RGPD8: variants seen among roughly 807,000 people sequenced by gnomAD.
RGPD8 encodes RANBP2-like and GRIP domain-containing protein 8.
In RGPD8, 15 loss-of-function variants were observed where a neutral mutation model predicts 89.1. The ratio of observed to expected loss-of-function variants is 0.17; its 90% CI spans 0.11 to 0.26. The LOEUF (loss-of-function observed/expected upper bound fraction) is 0.26. Among genes scored for constraint, RGPD8 ranks in the 10% least tolerant of loss-of-function variants. The pLI is 1.00. For synonymous variants in RGPD8, 62 were observed against 420.9 expected, an observed-to-expected ratio of 0.15 and a Z score of 10.44; for missense variants, 178 against 1,179.6, an observed-to-expected ratio of 0.15 and a Z score of 12.44.
chr2:112,420,589 G>A lies in RGPD8; in HGVS notation c.405+1371C>T, dbSNP rs1321602954. On this transcript the variant is annotated intron_variant, in intron 4 of 22. Coordinates refer to ENST00000302558, the MANE Select transcript of RGPD8 (RefSeq NM_001164463.1). ...AACCTGGGCAACAGAGCGAGACTCC[G>A]TCTCAAAAACAATGAAAAAAGAAAA... Among the ~76,000 whole-genome samples the A allele has an allele frequency of 1.7e-4, 5 of 29,098 alleles. No homozygotes were observed. The South Asian group carries it at 3.7e-3, about 21-fold the overall frequency. The allele number at this position is 29,098 out of a possible 152,430, so 19.1% of individuals were successfully genotyped here.
intron 7 of RGPD8, among the ~76,000 whole-genome samples, chr2:112,410,946 G>A (rs1404291382): frequency 1.3e-5 from 2 of 152,224 alleles, no homozygotes; most frequent in East Asian, 1.9e-4. Context: ...TTAGATGGGC[G>A]TGGTGGCGTG....
intron 1 of RGPD8, among the ~76,000 whole-genome samples, chr2:112,429,053 CAG>C (rs1203904511): frequency 6.6e-6 from 1 of 151,472 alleles, no homozygotes; most frequent in Non-Finnish European, 1.5e-5. Flanking sequence ...ACTGCAGTAA[CAG>C]TACTGAAAGA....
In RGPD8 at chr2:112,372,976, G is replaced by A. The variant is rs1276951195; in HGVS notation, c.5264-2764C>T. Among the ~76,000 whole-genome samples the A allele has an allele frequency of 4.3e-5, 6 of 140,836 alleles. 2 individuals carry two copies. The highest frequency in any genetic ancestry group is 1.5e-4 in the African/African-American group (5 of 32,986). 92.4% of individuals were successfully genotyped at this position (140,836 alleles called of 152,430 possible). On this transcript the variant is annotated intron_variant, in intron 22 of 22. Coordinates refer to ENST00000302558, the MANE Select transcript of RGPD8 (RefSeq NM_001164463.1). The stretch of plus-strand genomic sequence containing the variant: ...ACCTCTGTGTATGTATGGTGTACAA[G>A]TGACAATATTCAGATCTGTAAACTG...
Position 112,417,262 on chromosome 2 carries a change from G to T in RGPD8, c.713C>A (p.Ala238Asp), listed in dbSNP as rs1178669449. ...WRATNTDLLL[A>D]YANLMLLTLS... ...CGTAAGAAGCATAAGATTAGCATAG[G>T]CCAGCAGTAAGTCTGTATTGGTTGC... The change falls in exon 6 of 23, where the codon GCC becomes GAC. Residue 238 changes from alanine to aspartate, a missense_variant. Transcript: ENST00000302558. 1 of 1,610,334 alleles carries T rather than the reference G, an allele frequency of 6.2e-7. No homozygotes were observed. Among genetic ancestry groups the T allele is most frequent in the Non-Finnish European group, 8.5e-7 (1 of 1,179,836 alleles).
intron 9 of RGPD8, among the ~76,000 whole-genome samples, chr2:112,402,495 C>CAAGAAAA (rs1553503523): frequency 4.1e-5 from 6 of 147,012 alleles, no homozygotes; most frequent in Non-Finnish European, 7.5e-5. Flanking sequence ...GTCTCAAAAA[C>CAAGAAAA]AAGAAAAGAA....
intron 2 of RGPD8, among the ~76,000 whole-genome samples, chr2:112,423,480 T>C (rs1359164257): frequency 3.3e-5 from 3 of 92,150 alleles, no homozygotes; most frequent in Non-Finnish European, 6.6e-5. Context: ...GCAGGCAGAC[T>C]GCTGTGCTCA....
At chr2:112,431,786 G>A (rs1360131438) in intron 1 of RGPD8, among the ~76,000 whole-genome samples, 1 of 152,004 alleles carries the variant, frequency 6.6e-6, no homozygotes, top group Non-Finnish European at 1.5e-5. Context: ...ACAGGCGTGC[G>A]CCACCACGTC....
At chr2:112,371,775 AT>A (rs1344236367) in intron 22 of RGPD8, among the ~76,000 whole-genome samples, 1 of 113,380 alleles carries the variant, frequency 8.8e-6, no homozygotes, top group Non-Finnish European at 1.8e-5. Context: ...TAAAGATTTA[AT>A]TTGGTATTAC....
intron 1 of RGPD8, among the ~76,000 whole-genome samples, chr2:112,432,865 C>A (rs1186005115): frequency 1.3e-5 from 2 of 152,366 alleles, no homozygotes; most frequent in Middle Eastern, 3.4e-3. Flanking sequence ...ACGCCGCCCA[C>A]AGGACTGCGC....
At chr2:112,426,868 C>T (rs1244826747) in intron 1 of RGPD8, among the ~76,000 whole-genome samples, 1 of 147,568 alleles carries the variant, frequency 6.8e-6, no homozygotes, top group African/African-American at 2.5e-5. Context: ...GCTCTGTCGC[C>T]AGGCTGGAGT....
intron 1 of RGPD8, among the ~76,000 whole-genome samples, chr2:112,425,806 T>G (rs1257788680): frequency 6.6e-6 from 1 of 150,550 alleles, no homozygotes; most frequent in East Asian, 1.9e-4. Flanking sequence ...GTTCCATCCA[T>G]GTGATAGAGT....
intron 1 of RGPD8, among the ~76,000 whole-genome samples, chr2:112,425,914 A>G (rs1329479437): frequency 1.3e-5 from 2 of 152,160 alleles, no homozygotes; most frequent in Admixed American, 6.5e-5. Flanking sequence ...CAATCGAAAC[A>G]TGTTTCCTGT....
At chr2:112,373,425 G>T (rs1456571640) in intron 22 of RGPD8, among the ~76,000 whole-genome samples, 1 of 152,294 alleles carries the variant, frequency 6.6e-6, no homozygotes, top group Non-Finnish European at 1.5e-5. Context: ...TCAGAGTTGG[G>T]TAACCTACTT....
rs376586753 is a variant in RGPD8 at position 112,423,783 on chromosome 2, G to A, written c.140+457C>T. Among the ~76,000 whole-genome samples, 15 of 151,912 alleles carry A rather than the reference G, an allele frequency of 9.9e-5. No homozygotes were observed. In the South Asian group the frequency reaches 2.3e-3, roughly 23 times the overall value. On this transcript the variant is annotated intron_variant, in intron 2 of 22. Transcript: ENST00000302558. ...CCAGCCAGGAAATCAGAATCACCAA[G>A]CTTCTTATCCCTAGGATAGAGCCTT...
chr2:112,370,374 T>A (rs1457908692), intron 22 of RGPD8, among the ~76,000 whole-genome samples, 162 bp from the exon 23 acceptor site: 5 of 144,024 alleles, frequency 3.5e-5, no homozygotes, highest in African/African-American at 1.3e-4. Flanking sequence ...TTTTTTTTTT[T>A]TTTTTTTTTT....
chr2:112,429,169 C>G (rs1241340336), intron 1 of RGPD8, among the ~76,000 whole-genome samples: 1 of 151,486 alleles, frequency 6.6e-6, no homozygotes, highest in South Asian at 2.1e-4. Flanking sequence ...GCCTGTAATC[C>G]CAGCACTTTG....
At position 112,417,209 on chromosome 2, in the gene RGPD8, T is replaced by G; in HGVS notation, c.766A>C (p.Arg256=). The G allele has an allele frequency of 6.2e-7, 1 of 1,609,862 alleles. No homozygotes were observed. The highest frequency in any genetic ancestry group is 2.2e-5 in the East Asian group (1 of 44,866). The change falls in exon 6 of 23, where the codon AGA becomes CGA. Residue 256 remains arginine, a synonymous_variant. Coordinates refer to ENST00000302558, the MANE Select transcript of RGPD8 (RefSeq NM_001164463.1). ...TCTACGCACCTTTCCAGTAATTCTC[T>G]ATTTTCCTGCACATCTCTAGTGGAA... ...TLSTRDVQEN[R]ELLESFDSAL...
intron 7 of RGPD8, among the ~76,000 whole-genome samples, chr2:112,410,666 T>C (rs1296528631): frequency 1.3e-5 from 2 of 151,320 alleles, no homozygotes; most frequent in African/African-American, 4.9e-5. Context: ...TAATCCCAGA[T>C]ACGTGACAGG....
rs1311272562 is a variant in RGPD8, at chr2:112,377,401, C to G, written c.5263+652G>C. On this transcript the variant is annotated intron_variant, in intron 22 of 22. Transcript: ENST00000302558. ...TCAAGCGACTCTGCTGCCTCAGCCC[C>G]CTGAGTAGCTGGGACTACAGGCGCA... Among the ~76,000 whole-genome samples the G allele has an allele frequency of 4.5e-5, 5 of 110,846 alleles. 2 individuals carry two copies. Among genetic ancestry groups the G allele is most frequent in the Non-Finnish European group, 6.1e-5 (3 of 49,496 alleles). The allele number at this position is 110,846 out of a possible 152,430, so 72.7% of individuals were successfully genotyped here. A position where few individuals can be genotyped will look rare whatever the true frequency, so the allele number is the denominator to read the frequency against.
Sources: allele counts gnomAD v4.1 joint callset (sites outside exome capture counted in the v4.1 genomes callset), GRCh38; gene constraint gnomAD v4.1.1; transcripts MANE v1.5; gene names NCBI Gene and HGNC (gene_info 2026-07-23, HGNC 2026-07-21).